INVS: variants seen among roughly 807,000 people sequenced by gnomAD.
The protein encoded by INVS is inversion of embryo turning homolog.
INVS carries 86 observed loss-of-function variants against 108.8 expected under a neutral mutation model. That is an observed-to-expected ratio of 0.79 (90% CI 0.66 to 0.95). The LOEUF (loss-of-function observed/expected upper bound fraction) is 0.95, where lower values mean the gene tolerates loss of function less well. Ranked by LOEUF, INVS falls within the 40% of genes least tolerant of loss-of-function variation. The pLI, the probability that INVS is intolerant of heterozygous loss-of-function variation, is 0.00. For synonymous variants in INVS, 455 were observed against 473.5 expected (o/e 0.96, Z 0.51); for missense variants, 1,169 against 1,297.4 (o/e 0.90, Z 1.52).
At chr9:100,259,612 A>T (rs1169143325) in intron 10 of INVS, among the ~76,000 whole-genome samples, 1 of 138,644 alleles carries the variant, frequency 7.2e-6, no homozygotes, top group Non-Finnish European at 1.5e-5. Context: ...ATCTTGGCTC[A>T]CTGCAACCTC....
At chr9:100,271,024 G>T (rs553086949) in intron 11 of INVS, among the ~76,000 whole-genome samples, 1 of 151,688 alleles carries the variant, frequency 6.6e-6, no homozygotes, top group Admixed American at 6.6e-5. Flanking sequence ...AATATTCATC[G>T]TTTCTAAATA....
intron 12 of INVS, 135 bp downstream of exon 12, chr9:100,273,211 A>G (rs910226942): frequency 1.1e-5 from 8 of 734,248 alleles, no homozygotes; most frequent in Middle Eastern, 3.6e-4. Context: ...GCAACCGGTC[A>G]TCTTCCCTCT....
intron 4 of INVS, among the ~76,000 whole-genome samples, chr9:100,228,138 G>A (rs1156930922): frequency 6.6e-6 from 1 of 151,878 alleles, no homozygotes; most frequent in Non-Finnish European, 1.5e-5. Flanking sequence ...TTACAGGCAT[G>A]CGCCACCAGG....
intron 3 of INVS, among the ~76,000 whole-genome samples, chr9:100,150,806 A>G (rs1436478003): frequency 6.6e-6 from 1 of 152,118 alleles, no homozygotes; most frequent in Admixed American, 6.5e-5. Flanking sequence ...CATAGGACCA[A>G]TAAAGGAGGT....
At chr9:100,229,557 C>CAACT in intron 4 of INVS, 103 bp from the exon 5 acceptor site, 1 of 955,356 alleles carries the variant, frequency 1.0e-6, no homozygotes, top group South Asian at 1.4e-5. Flanking sequence ...AGATACAGGG[C>CAACT]AACTACTGTA....
At chr9:100,121,051 A>G (rs578225362) in intron 2 of INVS, among the ~76,000 whole-genome samples, 64 of 152,310 alleles carry the variant, frequency 4.2e-4, no homozygotes, top group African/African-American at 1.4e-3. Flanking sequence ...AGTGATGAAC[A>G]AGTTGACTAC....
At chr9:100,189,653 T>C (rs1253993412) in intron 3 of INVS, among the ~76,000 whole-genome samples, 1 of 152,218 alleles carries the variant, frequency 6.6e-6, no homozygotes, top group East Asian at 1.9e-4. Context: ...ATTTTAAAAA[T>C]TTAGTGAGAC....
chr9:100,297,672 T>C (rs1002456368), intron 15 of INVS, among the ~76,000 whole-genome samples: 1 of 152,148 alleles, frequency 6.6e-6, no homozygotes, highest in African/African-American at 2.4e-5. Context: ...ATAGACCCAG[T>C]AGAGTTCAAG....
rs540922808 is a variant in INVS, at chr9:100,232,668, G to A, written c.615+2841G>A. 2.0e-5 allele frequency among the ~76,000 whole-genome samples: 3 copies of A among 152,186 alleles called. No homozygotes were observed. The South Asian group carries it at 6.2e-4, about 32-fold the overall frequency. On this transcript the variant is annotated intron_variant, in intron 5 of 16. Coordinates refer to ENST00000262457, the MANE Select transcript of INVS (RefSeq NM_014425.5). ...TGTCATAGATCAGATGATTGTAGAT[G>A]TGTGACATTATTTCTGAGGCCTCTG...
chr9:100,300,793 T>C lies in INVS; in HGVS notation c.*119T>C. On this transcript the variant is annotated 3_prime_UTR_variant, in exon 17 of 17. Transcript: ENST00000262457. Reference sequence around the variant, plus strand: ...TTTAATATCCGTACCTGAAGGCTGATTCACCTAAAAATGTGTTAACTGAAA... The same window carrying C: ...TTTAATATCCGTACCTGAAGGCTGACTCACCTAAAAATGTGTTAACTGAAA... 1 of 723,344 alleles carries C rather than the reference T, an allele frequency of 1.4e-6. No individual in the cohort carries two copies. Among genetic ancestry groups the C allele is most frequent in the Non-Finnish European group, 2.5e-6 (1 of 407,170 alleles). 44.8% of individuals were successfully genotyped at this position (723,344 alleles called of 1,614,324 possible). A position where few individuals can be genotyped will look rare whatever the true frequency, so the allele number is the denominator to read the frequency against.
intron 2 of INVS, chr9:100,120,785 A>G (rs1396238866): frequency 6.6e-6 from 1 of 152,218 alleles, no homozygotes; most frequent in Admixed American, 6.5e-5. Context: ...AAGGTTCTTT[A>G]TTAACGTTTT....
intron 3 of INVS, among the ~76,000 whole-genome samples, chr9:100,187,899 G>GT (rs1200009753): frequency 6.6e-6 from 1 of 152,094 alleles, no homozygotes; most frequent in Non-Finnish European, 1.5e-5. Context: ...TATATTCCCA[G>GT]TTTTTTGTTT....
In INVS at chr9:100,300,632, C is replaced by G; in HGVS notation, c.3156C>G (p.Asn1052Lys). ...NSGRSKNFSY[N>K]LQSATQPKNK... ...GAAGATCAAAGAACTTTTCTTATAA[C>G]CTGCAATCAGCTACTCAGCCAAAAA... Residue 1052 changes from asparagine (N) to lysine (K), a missense_variant, in exon 17 of 17, where the codon AAC (asparagine) becomes AAG (lysine). By Grantham distance (94) the Asn-to-Lys change is moderately conservative. Transcript: ENST00000262457. 1 of 1,613,942 alleles carries G rather than the reference C, an allele frequency of 6.2e-7. No homozygotes were observed. Among genetic ancestry groups the G allele is most frequent in the Non-Finnish European group, 8.5e-7 (1 of 1,179,882 alleles).
intron 3 of INVS, among the ~76,000 whole-genome samples, chr9:100,134,788 A>G (rs1828170432): frequency 6.6e-6 from 1 of 152,220 alleles, no homozygotes; most frequent in Admixed American, 6.5e-5. Context: ...CCAAATACGT[A>G]CCAACAGGTG....
chr9:100,133,181 T>C (rs1402886182), intron 3 of INVS, among the ~76,000 whole-genome samples: 18 of 152,186 alleles, frequency 1.2e-4, no homozygotes, highest in Admixed American at 1.2e-3. Flanking sequence ...GAGATCAAAC[T>C]CAGTATTTCT....
intron 3 of INVS, among the ~76,000 whole-genome samples, chr9:100,187,844 G>C (rs1359309832): frequency 6.6e-6 from 1 of 152,080 alleles, no homozygotes; most frequent in Non-Finnish European, 1.5e-5. Flanking sequence ...TTTCAGCAGT[G>C]TTTTATAGTT....
At chr9:100,270,471 G>A (rs1178757006) in intron 11 of INVS, among the ~76,000 whole-genome samples, 1 of 152,104 alleles carries the variant, frequency 6.6e-6, no homozygotes, top group Non-Finnish European at 1.5e-5. Flanking sequence ...CTGGCCGGGT[G>A]CAGTGGCTCA....
At chr9:100,247,837 C>G (rs1278005652) in intron 8 of INVS, among the ~76,000 whole-genome samples, 1 of 152,010 alleles carries the variant, frequency 6.6e-6, no homozygotes, top group East Asian at 1.9e-4. Flanking sequence ...GAGACGGAGT[C>G]TCACTCTGTC....
At chr9:100,278,231 CAAAAAAAAAAAA>C (rs750217205) in intron 12 of INVS, among the ~76,000 whole-genome samples, 1 of 83,130 alleles carries the variant, frequency 1.2e-5, no homozygotes, top group South Asian at 5.2e-4. Context: ...GACCCTGTCT[CAAAAAAAAAAAA>C]AAAAAAAAAA....
Sources: allele counts gnomAD v4.1 joint callset (sites outside exome capture counted in the v4.1 genomes callset), GRCh38; gene constraint gnomAD v4.1.1; transcripts MANE v1.5; gene names NCBI Gene and HGNC (gene_info 2026-07-23, HGNC 2026-07-21).